The following SLC24A2 variants were observed in gnomAD, a reference collection of about 807,000 sequenced individuals.
SLC24A2 encodes sodium/potassium/calcium exchanger 2.
Under a neutral mutation model 62.0 loss-of-function variants are expected in SLC24A2, and 36 were observed. The ratio of observed to expected loss-of-function variants is 0.58; its 90% confidence interval spans 0.44 to 0.77. The LOEUF is 0.77. Ranked by LOEUF, SLC24A2 falls within the 30% of genes least tolerant of loss-of-function variation. The pLI is 0.00. For synonymous variants in SLC24A2, 358 were observed against 294.0 expected (o/e 1.22, Z -2.23); for missense variants, 846 against 817.9 (o/e 1.03, Z -0.42).
At chr9:20,224,443 C>A in the SLC24A2 span, among the ~76,000 whole-genome samples, 2 of 151,948 alleles carry the variant, frequency 1.3e-5, no homozygotes, top group Non-Finnish European at 2.9e-5. Flanking sequence ...CCTGAAAACA[C>A]TGACAAGTAT....
At chr9:20,029,989 T>C in the SLC24A2 span, among the ~76,000 whole-genome samples, 28,264 of 152,158 alleles carry the variant, frequency 0.19, 2,723 homozygotes, top group East Asian at 0.23. Flanking sequence ...TTTTTTGAAA[T>C]GGCATCACAA....
At chr9:19,946,250 T>C in the SLC24A2 span, among the ~76,000 whole-genome samples, 1 of 152,052 alleles carries the variant, frequency 6.6e-6, no homozygotes, top group Non-Finnish European at 1.5e-5. Context: ...AATTAATGAG[T>C]CTGATTCCTG....
At chr9:19,874,276 C>T in the SLC24A2 span, among the ~76,000 whole-genome samples, 59,545 of 151,584 alleles carry the variant, frequency 0.39, 13,382 homozygotes, top group Middle Eastern at 0.53. Context: ...AATGGGGTTT[C>T]GCCATGTTGG....
At chr9:19,710,062 C>G (rs1820668702) in intron 2 of SLC24A2, among the ~76,000 whole-genome samples, 1 of 152,106 alleles carries the variant, frequency 6.6e-6, no homozygotes, top group African/African-American at 2.4e-5. Context: ...TTCCTCCTCC[C>G]TAATCCTCCT....
the SLC24A2 span, among the ~76,000 whole-genome samples, chr9:19,838,059 A>C: frequency 4.7e-5 from 7 of 149,014 alleles, no homozygotes; most frequent in Non-Finnish European, 9.0e-5. Context: ...ACAGAATTGG[A>C]AAAAACTACT....
chr9:20,047,978 G>C, the SLC24A2 span, among the ~76,000 whole-genome samples: 7 of 152,044 alleles, frequency 4.6e-5, no homozygotes, highest in African/African-American at 1.7e-4. Context: ...AGTTAATATG[G>C]GAAGCCAATA....
chr9:20,079,354 T>A, the SLC24A2 span, among the ~76,000 whole-genome samples: 1 of 152,382 alleles, frequency 6.6e-6, no homozygotes, highest in East Asian at 1.9e-4. Context: ...GCCATGCAAC[T>A]ACCTCTCTGA....
At chr9:19,832,568 T>C in the SLC24A2 span, among the ~76,000 whole-genome samples, 796 of 152,284 alleles carry the variant, frequency 5.2e-3, no homozygotes, top group Non-Finnish European at 7.8e-3. Context: ...ATCCCTTCCT[T>C]ACACCTTATA....
At chr9:19,615,827 A>G (rs551943226) in intron 4 of SLC24A2, among the ~76,000 whole-genome samples, 6 of 152,170 alleles carry the variant, frequency 3.9e-5, no homozygotes, top group African/African-American at 1.4e-4. Flanking sequence ...ACTCTGAGAC[A>G]ACCTAGATTC....
chr9:20,148,530 AGCT>A, the SLC24A2 span, among the ~76,000 whole-genome samples: 2 of 152,132 alleles, frequency 1.3e-5, no homozygotes, highest in African/African-American at 4.8e-5. Flanking sequence ...AGTCTTTGGC[AGCT>A]GTGTAGCTGG....
chr9:19,743,191 G>A lies in SLC24A2; in HGVS notation c.930+42746C>T, dbSNP rs193069831. On this transcript the variant is annotated intron_variant, in intron 2 of 10. Coordinates refer to ENST00000341998, the MANE Select transcript of SLC24A2 (RefSeq NM_020344.4). Reference sequence around the variant, plus strand: ...CACTGTCTGCATCACATCAGCATTAGAAGACTGAGCTAAGAAAGTAGTTAC... The same window carrying A: ...CACTGTCTGCATCACATCAGCATTAAAAGACTGAGCTAAGAAAGTAGTTAC... Among the ~76,000 whole-genome samples the A allele has an allele frequency of 1.3e-3, 197 of 152,276 alleles. 1 individual carries two copies. The highest frequency in any genetic ancestry group is 4.5e-3 in the African/African-American group (187 of 41,562).
chr9:20,200,908 T>C, the SLC24A2 span, among the ~76,000 whole-genome samples: 1 of 152,364 alleles, frequency 6.6e-6, no homozygotes, highest in East Asian at 1.9e-4. Context: ...ACAAGTGTGG[T>C]AGTTTTGTTC....
At chr9:20,081,570 G>C in the SLC24A2 span, among the ~76,000 whole-genome samples, 1 of 151,926 alleles carries the variant, frequency 6.6e-6, no homozygotes, top group Non-Finnish European at 1.5e-5. Context: ...CATGGCACAT[G>C]TATACATATG....
chr9:19,729,079 A>C (rs969282466), intron 2 of SLC24A2, among the ~76,000 whole-genome samples: 4 of 152,126 alleles, frequency 2.6e-5, no homozygotes, highest in African/African-American at 9.7e-5. Flanking sequence ...AATAAGAGGA[A>C]CTGAATAGAC....
the SLC24A2 span, among the ~76,000 whole-genome samples, chr9:20,122,447 G>A: frequency 1.3e-5 from 2 of 152,304 alleles, no homozygotes; most frequent in East Asian, 1.9e-4. Context: ...AGCACTTTGG[G>A]AGGCTGACGT....
At chr9:20,286,387 C>G in the SLC24A2 span, among the ~76,000 whole-genome samples, 1 of 152,232 alleles carries the variant, frequency 6.6e-6, no homozygotes, top group African/African-American at 2.4e-5. Context: ...ATCCTTCATG[C>G]ATGGCTTTTG....
the SLC24A2 span, among the ~76,000 whole-genome samples, chr9:19,842,010 C>A: frequency 6.6e-6 from 1 of 152,146 alleles, no homozygotes; most frequent in Non-Finnish European, 1.5e-5. Context: ...CAGCAGATAC[C>A]AAGATGGAAT....
the SLC24A2 span, among the ~76,000 whole-genome samples, chr9:20,009,615 C>T: frequency 1.6e-3 from 251 of 152,206 alleles, no homozygotes; most frequent in Non-Finnish European, 2.7e-3. Flanking sequence ...TTCCCTAGGT[C>T]GAGAGGCAAC....
chr9:19,895,526 TTTTC>T, the SLC24A2 span, among the ~76,000 whole-genome samples: 26 of 136,586 alleles, frequency 1.9e-4, no homozygotes, highest in African/African-American at 4.9e-4. Context: ...TCCCCTGCCC[TTTTC>T]TTTCTTTCTT....
Sources: gnomAD v4.1 joint callset for allele counts (sites outside exome capture counted in the v4.1 genomes callset) on GRCh38, gnomAD v4.1.1 for gene constraint, MANE v1.5 for transcripts, NCBI Gene and HGNC (gene_info 2026-07-23, HGNC 2026-07-21) for gene names.